The following MYLK4 variants were observed in gnomAD, a reference collection of about 807,000 sequenced individuals.
MYLK4 encodes caMLCK like.
A neutral mutation model predicts 48.1 loss-of-function variants in MYLK4; 46 were observed. That is an observed-to-expected ratio of 0.96 (90% CI 0.75 to 1.22). The LOEUF is 1.22. MYLK4 is among the 50% of genes most tolerant of loss of function. MYLK4 has a pLI of 0.00. For missense variants in MYLK4, 451 were observed against 486.1 expected, an observed-to-expected ratio of 0.93 and a Z score of 0.68; for synonymous variants, 170 against 180.8, an observed-to-expected ratio of 0.94 and a Z score of 0.48.
the MYLK4 span, chr6:2,766,488 G>A: frequency 9.6e-6 from 14 of 1,461,862 alleles, no homozygotes; most frequent in Non-Finnish European, 1.2e-5. Context: ...TTATCTCGGC[G>A]GTGGATGCAG....
chr6:2,736,430 C>T (rs917725793), intron 2 of MYLK4, among the ~76,000 whole-genome samples: 1 of 152,190 alleles, frequency 6.6e-6, no homozygotes, highest in African/African-American at 2.4e-5. Flanking sequence ...AATTTTTTAA[C>T]AGAAACCTCT....
At chr6:2,707,367 T>C (rs1202079513) in intron 2 of MYLK4, among the ~76,000 whole-genome samples, 2 of 152,252 alleles carry the variant, frequency 1.3e-5, no homozygotes, top group Non-Finnish European at 2.9e-5. Flanking sequence ...TTTTTCATTT[T>C]GATTTAATTC....
In MYLK4 at chr6:2,683,157, T is replaced by C. The variant is rs560347293; in HGVS notation, c.551A>G (p.Asp184Gly). Residue 184 changes from aspartate (D) to glycine (G), a missense_variant, in exon 7 of 13, where the codon GAT (aspartate) becomes GGT (glycine). By Grantham distance (94) the Asp-to-Gly change is moderately conservative. Coordinates refer to ENST00000274643, the MANE Select transcript of MYLK4 (RefSeq NM_001012418.5). ...GATGCGGTCAAACAGCTCCCCACCA[T>C]CCACACTGCAGAGGGAAGAGGACTG... is the stretch of plus-strand genomic sequence containing the variant. Reference protein sequence around the residue: ...NDIVLVMEYVDGGELFDRIID... With the variant: ...NDIVLVMEYVGGGELFDRIID... 1.2e-6 allele frequency: 2 copies of C among 1,614,100 alleles called. No individual in the cohort carries two copies. Among genetic ancestry groups the C allele is most frequent in the East Asian group, 2.2e-5 (1 of 44,890 alleles).
intron 2 of MYLK4, among the ~76,000 whole-genome samples, chr6:2,721,721 G>T (rs1763077194): frequency 6.6e-6 from 1 of 152,178 alleles, no homozygotes; most frequent in African/African-American, 2.4e-5. Context: ...CTTACGGACA[G>T]TGGTTCTTGG....
chr6:2,730,448 T>C (rs1763439341), intron 2 of MYLK4, among the ~76,000 whole-genome samples: 2 of 152,328 alleles, frequency 1.3e-5, no homozygotes, highest in South Asian at 2.1e-4. Context: ...GGGCTGTAAG[T>C]AGCCACAAGA....
At chr6:2,759,808 T>C in the MYLK4 span, among the ~76,000 whole-genome samples, 1 of 152,380 alleles carries the variant, frequency 6.6e-6, no homozygotes, top group Non-Finnish European at 1.5e-5. Context: ...TAACTTTCTC[T>C]ATTTTACTAG....
chr6:2,717,879 T>G (rs967866694), intron 2 of MYLK4, among the ~76,000 whole-genome samples: 5 of 152,088 alleles, frequency 3.3e-5, no homozygotes, highest in Non-Finnish European at 7.4e-5. Flanking sequence ...GTGTGAGAGA[T>G]ATAAGAAATC....
chr6:2,675,911 T>C (rs1761062209), intron 10 of MYLK4, among the ~76,000 whole-genome samples: 1 of 151,848 alleles, frequency 6.6e-6, no homozygotes, highest in African/African-American at 2.4e-5. Flanking sequence ...GCCAAAATAG[T>C]GAAACCCCGT....
intron 2 of MYLK4, among the ~76,000 whole-genome samples, chr6:2,737,238 G>A (rs533167971): frequency 1.6e-4 from 24 of 152,342 alleles, no homozygotes; most frequent in African/African-American, 3.8e-4. Flanking sequence ...GCTTGAACCC[G>A]GGAGGCGGAG....
At chr6:2,706,820 T>G (rs1475087217) in intron 2 of MYLK4, among the ~76,000 whole-genome samples, 1 of 152,158 alleles carries the variant, frequency 6.6e-6, no homozygotes, top group Non-Finnish European at 1.5e-5. Flanking sequence ...AATAAGTAAA[T>G]CAATGCCTAC....
intron 2 of MYLK4, among the ~76,000 whole-genome samples, chr6:2,710,175 G>A (rs1190344329): frequency 1.3e-5 from 2 of 152,070 alleles, no homozygotes; most frequent in Non-Finnish European, 2.9e-5. Context: ...ATTGAATGCT[G>A]CTTCCGGTTT....
At chr6:2,765,685 C>T in the MYLK4 span, 18 of 1,550,710 alleles carry the variant, frequency 1.2e-5, no homozygotes, top group African/African-American at 1.4e-5. Context: ...TGCAGTGCCC[C>T]GTGTGCCAGC....
intron 2 of MYLK4, among the ~76,000 whole-genome samples, chr6:2,743,141 G>C (rs1451430072): frequency 2.0e-5 from 3 of 152,152 alleles, no homozygotes; most frequent in Non-Finnish European, 2.9e-5. Flanking sequence ...ACCCTAAAAA[G>C]TCTAGGAGGG....
intron 10 of MYLK4, among the ~76,000 whole-genome samples, chr6:2,677,611 G>A (rs1362214299): frequency 6.6e-6 from 1 of 152,096 alleles, no homozygotes; most frequent in Non-Finnish European, 1.5e-5. Context: ...AATTAATGTG[G>A]TTTTAGCATA....
At position 2,713,080 on chromosome 6, in the gene MYLK4, AG is replaced by A. The variant is rs536409066; in HGVS notation, c.160-20222del. The stretch of plus-strand genomic sequence containing the variant: ...GTGAAAGCGCTTTTGGAAAAAGAAA[AG>A]CAACATAGTCCCGGCATGGTGGCTC... On this transcript the variant is annotated intron_variant, in intron 2 of 12. Transcript: ENST00000274643. 2.0e-4 allele frequency among the ~76,000 whole-genome samples: 31 copies of A among 152,360 alleles called. No homozygotes were observed. In the East Asian group the frequency reaches 4.6e-3, roughly 23 times the overall value.
At chr6:2,708,031 C>A (rs1762553836) in intron 2 of MYLK4, among the ~76,000 whole-genome samples, 2 of 152,036 alleles carry the variant, frequency 1.3e-5, no homozygotes, top group African/African-American at 4.8e-5. Flanking sequence ...GATTTAATAT[C>A]TTTATTAAAA....
rs118076213 is a variant in MYLK4, at chr6:2,676,825, C to T, written c.1040+1395G>A. Among the ~76,000 whole-genome samples, 120 of 152,322 alleles carry T rather than the reference C, an allele frequency of 7.9e-4. 2 individuals carry two copies. In the East Asian group the frequency reaches 0.021, roughly 26 times the overall value. ...CCCATGTGTAAAATGATGGTCTCCA[C>T]AGACCACAGGATTATCCAGAAGCCA... On this transcript the variant is annotated intron_variant, in intron 10 of 12. Transcript: ENST00000274643.
chr6:2,679,144 C>T, intron 9 of MYLK4, 136 bp downstream of exon 9: 2 of 1,051,496 alleles, frequency 1.9e-6, no homozygotes, highest in Non-Finnish European at 1.4e-6. Flanking sequence ...TCAACAAAAC[C>T]TAGAAGGCAA....
intron 2 of MYLK4, among the ~76,000 whole-genome samples, chr6:2,715,849 C>T (rs954744742): frequency 5.9e-5 from 9 of 152,210 alleles, no homozygotes; most frequent in African/African-American, 1.9e-4. Context: ...AGTCAAATAA[C>T]TCAGAACACG....
Sources: allele counts gnomAD v4.1 joint callset (sites outside exome capture counted in the v4.1 genomes callset), GRCh38; gene constraint gnomAD v4.1.1; transcripts MANE v1.5; gene names NCBI Gene and HGNC (gene_info 2026-07-23, HGNC 2026-07-21).